SORT1: variants seen among roughly 807,000 people sequenced by gnomAD.
SORT1 encodes the protein sortilin.
SORT1 carries 39 observed loss-of-function variants against 101.7 expected under a neutral mutation model. The ratio of observed to expected loss-of-function variants is 0.38; its 90% CI spans 0.30 to 0.50. The LOEUF (loss-of-function observed/expected upper bound fraction) is 0.50, where lower values mean the gene tolerates loss of function less well. SORT1 is among the 20% of genes least tolerant of loss of function. SORT1 has a pLI of 0.90. For synonymous variants in SORT1, 396 were observed against 393.7 expected, an observed-to-expected ratio of 1.01 and a Z score of -0.07; for missense variants, 878 against 1,040.4, an observed-to-expected ratio of 0.84 and a Z score of 2.15.
chr1:109,330,367 G>A (rs577642066), intron 11 of SORT1, among the ~76,000 whole-genome samples: 6 of 152,096 alleles, frequency 3.9e-5, no homozygotes, highest in African/African-American at 1.4e-4. Context: ...TCACATGAAT[G>A]TGGAAATTGA....
chr1:109,324,954 C>G lies in SORT1; in HGVS notation c.1779G>C (p.Leu593=), dbSNP rs755342605. The G allele has an allele frequency of 6.2e-7, 1 of 1,613,718 alleles. No individual in the cohort carries two copies. Among genetic ancestry groups the G allele is most frequent in the Non-Finnish European group, 8.5e-7 (1 of 1,179,708 alleles). Residue 593 remains leucine, a synonymous_variant, in exon 14 of 20, where the codon CTG becomes CTC. Transcript: ENST00000256637. ...TGGTGTAGGAGACCCACTGGCTGGT[C>G]AGGAAAGATTCTGTGAAGCCCCAAA... ...ISIWGFTESF[L]TSQWVSYTID... is the part of the protein sequence containing the mutation.
chr1:109,361,414 A>T (rs1178025051), intron 3 of SORT1, among the ~76,000 whole-genome samples: 1 of 152,156 alleles, frequency 6.6e-6, no homozygotes, highest in Non-Finnish European at 1.5e-5. Flanking sequence ...CCACATTTTT[A>T]CGAATATTCT....
intron 11 of SORT1, among the ~76,000 whole-genome samples, chr1:109,335,128 G>A (rs1049558569): frequency 3.3e-5 from 5 of 152,132 alleles, no homozygotes; most frequent in African/African-American, 1.2e-4. Context: ...ATGGCAGGGG[G>A]TTGGTTACAA....
intron 1 of SORT1, chr1:109,389,943 T>C (rs1055350121): frequency 6.6e-6 from 1 of 152,256 alleles, no homozygotes; most frequent in African/African-American, 2.4e-5. Context: ...TAAGTCCTTT[T>C]GCCAAACTCA....
At chr1:109,365,388 A>G (rs1651012460) in intron 3 of SORT1, among the ~76,000 whole-genome samples, 1 of 152,128 alleles carries the variant, frequency 6.6e-6, no homozygotes. Flanking sequence ...ATGCCCAGCT[A>G]ATTTTGTGAG....
rs984941653 is a variant in SORT1, at chr1:109,376,223, G to C, written c.307-6634C>G. On this transcript the variant is annotated intron_variant, in intron 1 of 19. Coordinates refer to ENST00000256637, the MANE Select transcript of SORT1 (RefSeq NM_002959.7). Reference sequence around the variant, plus strand: ...CGGGCGCCTGTAGTCCCAGCTACTCGGAGAGGCTGAGGCAGGAGAATGGCG... The same window carrying C: ...CGGGCGCCTGTAGTCCCAGCTACTCCGAGAGGCTGAGGCAGGAGAATGGCG... Among the ~76,000 whole-genome samples the C allele has an allele frequency of 2.0e-5, 3 of 151,592 alleles. No individual in the cohort carries two copies. In the East Asian group the frequency reaches 5.8e-4, roughly 29 times the overall value.
intron 1 of SORT1, chr1:109,392,516 C>CA (rs1156820692): frequency 3.5e-5 from 23 of 648,854 alleles, no homozygotes; most frequent in Non-Finnish European, 4.2e-5. Flanking sequence ...TTTCCACAAG[C>CA]AGACATGAGA....
intron 10 of SORT1, among the ~76,000 whole-genome samples, chr1:109,337,637 C>CT (rs576096257): frequency 6.6e-5 from 10 of 151,450 alleles, no homozygotes; most frequent in East Asian, 2.0e-4. Context: ...TGTGAAAACT[C>CT]TTTTTTTTGA....
chr1:109,329,200 TA>T (rs998413668), intron 11 of SORT1, among the ~76,000 whole-genome samples: 3 of 152,004 alleles, frequency 2.0e-5, no homozygotes, highest in Non-Finnish European at 2.9e-5. Flanking sequence ...AAAGTAGAGA[TA>T]AAAAAAAGAT....
intron 1 of SORT1, among the ~76,000 whole-genome samples, chr1:109,383,925 A>C (rs1432994783): frequency 2.6e-5 from 4 of 152,166 alleles, no homozygotes; most frequent in African/African-American, 9.7e-5. Flanking sequence ...AGTCAACCCA[A>C]ATTTTATTTC....
At chr1:109,362,868 G>A (rs1570953676) in intron 3 of SORT1, among the ~76,000 whole-genome samples, 2 of 151,500 alleles carry the variant, frequency 1.3e-5, no homozygotes, top group African/African-American at 4.8e-5. Flanking sequence ...ACTGAAATAT[G>A]CAGTCATTGT....
intron 8 of SORT1, among the ~76,000 whole-genome samples, chr1:109,342,470 G>C (rs1649294644): frequency 6.6e-6 from 1 of 152,170 alleles, no homozygotes; most frequent in South Asian, 2.1e-4. Context: ...TAGAGCTAAG[G>C]ATTTGATGAG....
At chr1:109,356,790 A>G (rs1005398903) in intron 3 of SORT1, among the ~76,000 whole-genome samples, 5 of 152,226 alleles carry the variant, frequency 3.3e-5, no homozygotes, top group African/African-American at 1.2e-4. Context: ...ATTCGAATCC[A>G]TGTTTAGATT....
intron 1 of SORT1, among the ~76,000 whole-genome samples, chr1:109,393,744 G>C (rs1330282371): frequency 6.6e-6 from 1 of 152,096 alleles, no homozygotes; most frequent in African/African-American, 2.4e-5. Context: ...TTATGTGCCA[G>C]ACATTCTTCT....
chr1:109,351,137 T>A, intron 5 of SORT1, 135 bp from the exon 6 acceptor site: 1 of 710,204 alleles, frequency 1.4e-6, no homozygotes, highest in Non-Finnish European at 2.5e-6. Context: ...CTGCCCGAGC[T>A]CCACAGACAC....
intron 1 of SORT1, among the ~76,000 whole-genome samples, chr1:109,387,953 A>T (rs1319662569): frequency 6.6e-6 from 1 of 152,172 alleles, no homozygotes; most frequent in Admixed American, 6.5e-5. Flanking sequence ...CTGTCTCAAA[A>T]AAAAAAGAAA....
At chr1:109,355,655 C>G (rs1482551761) in intron 3 of SORT1, among the ~76,000 whole-genome samples, 186 bp from the exon 4 acceptor site, 2 of 141,450 alleles carry the variant, frequency 1.4e-5, no homozygotes, top group South Asian at 2.7e-4. Context: ...GCCCCCCCCC[C>G]CACAAACCCA....
chr1:109,320,926 C>T (rs180929606), intron 15 of SORT1, among the ~76,000 whole-genome samples: 63 of 152,212 alleles, frequency 4.1e-4, no homozygotes, highest in African/African-American at 1.4e-3. Flanking sequence ...TCAGAAATTT[C>T]TGGATTTTTG....
chr1:109,356,990 T>C (rs975085980), intron 3 of SORT1, among the ~76,000 whole-genome samples: 7 of 152,240 alleles, frequency 4.6e-5, no homozygotes, highest in African/African-American at 1.4e-4. Flanking sequence ...TCTTCAATGA[T>C]AGAATATAGT....
Sources: allele counts gnomAD v4.1 joint callset (sites outside exome capture counted in the v4.1 genomes callset), GRCh38; gene constraint gnomAD v4.1.1; transcripts MANE v1.5; gene names NCBI Gene and HGNC (gene_info 2026-07-23, HGNC 2026-07-21).